The following EXD1 variants were observed in gnomAD, a reference collection of about 807,000 sequenced individuals.
The protein encoded by EXD1 is exonuclease 3'-5' domain containing 1.
Under a neutral mutation model 49.1 loss-of-function variants are expected in EXD1, and 63 were observed. The observed-to-expected ratio is 1.28, with a 90% CI of 1.05 to 1.58. The LOEUF is 1.58. Ranked by LOEUF, EXD1 falls within the 40% of genes most tolerant of loss-of-function variation. EXD1 has a pLI of 0.00. For missense variants in EXD1, 748 were observed against 666.0 expected, an observed-to-expected ratio of 1.12 and a Z score of -1.36; for synonymous variants, 234 against 239.2, an observed-to-expected ratio of 0.98 and a Z score of 0.20.
intron 1 of EXD1, among the ~76,000 whole-genome samples, chr15:41,227,333 T>C (rs1346116356): frequency 6.6e-6 from 1 of 152,232 alleles, no homozygotes; most frequent in Non-Finnish European, 1.5e-5. Context: ...TATTTTTTTA[T>C]TTTCTGTCCT....
intron 11 of EXD1, among the ~76,000 whole-genome samples, chr15:41,189,637 T>C (rs2046473258): frequency 6.6e-6 from 1 of 151,946 alleles, no homozygotes; most frequent in Admixed American, 6.6e-5. Flanking sequence ...CACTCCAGCC[T>C]GGGCGACAGA....
chr15:41,209,287 C>A (rs1394345294), intron 7 of EXD1, among the ~76,000 whole-genome samples: 2 of 151,950 alleles, frequency 1.3e-5, no homozygotes, highest in Non-Finnish European at 2.9e-5. Flanking sequence ...TGGTGACATG[C>A]ATCTGTAGTC....
At chr15:41,225,731 TA>T (rs2140909116) in intron 2 of EXD1, among the ~76,000 whole-genome samples, 1 of 151,346 alleles carries the variant, frequency 6.6e-6, no homozygotes, top group Admixed American at 6.6e-5. Flanking sequence ...GTACTAAAAA[TA>T]CAAAAATTAG....
At chr15:41,199,847 A>C (rs113604481) in intron 7 of EXD1, among the ~76,000 whole-genome samples, 1 of 144,034 alleles carries the variant, frequency 6.9e-6, no homozygotes, top group Non-Finnish European at 1.5e-5. Flanking sequence ...GATATATATA[A>C]TATGTCATAT....
intron 11 of EXD1, among the ~76,000 whole-genome samples, chr15:41,186,114 C>T (rs189667029): frequency 6.6e-6 from 1 of 152,214 alleles, no homozygotes; most frequent in African/African-American, 2.4e-5. Context: ...AACAAATATG[C>T]AGTCTTCTCT....
intron 6 of EXD1, among the ~76,000 whole-genome samples, chr15:41,211,590 A>G (rs1167513751): frequency 6.6e-6 from 1 of 152,070 alleles, no homozygotes; most frequent in African/African-American, 2.4e-5. Flanking sequence ...AAGGAGGCTG[A>G]GGAGGACAGA....
chr15:41,197,804 T>G (rs929835025), intron 7 of EXD1, among the ~76,000 whole-genome samples: 1 of 144,980 alleles, frequency 6.9e-6, no homozygotes, highest in Non-Finnish European at 1.6e-5. Context: ...TTTGTATATT[T>G]TAATAGAGAT....
chr15:41,191,389 T>A, intron 10 of EXD1, 53 bp downstream of exon 10: 4 of 1,537,944 alleles, frequency 2.6e-6, no homozygotes, highest in Non-Finnish European at 3.6e-6. Flanking sequence ...ATAATACTGC[T>A]CAGAAAACAC....
chr15:41,200,084 T>C (rs540078013), intron 7 of EXD1, among the ~76,000 whole-genome samples: 9 of 151,294 alleles, frequency 5.9e-5, no homozygotes, highest in Non-Finnish European at 8.8e-5. Flanking sequence ...TTTTGTATTT[T>C]GTTTAGAGAT....
Position 41,215,783 on chromosome 15 carries a change from C to T in EXD1, c.439G>A (p.Gly147Ser), listed in dbSNP as rs2046990947. 3 of 1,613,980 alleles carry T rather than the reference C, an allele frequency of 1.9e-6. No individual in the cohort carries two copies. Among genetic ancestry groups the T allele is most frequent in the Non-Finnish European group, 2.5e-6 (3 of 1,179,914 alleles). The change falls in exon 6 of 12, where the codon GGT (glycine) becomes AGT (serine). Residue 147 changes from glycine (G) to serine (S), a missense_variant. By Grantham distance (56) the Gly-to-Ser change is moderately conservative (BLOSUM62 0). Coordinates refer to ENST00000458580, the MANE Select transcript of EXD1 (RefSeq NM_001286441.2). Reference protein sequence around the residue: ...TVINQFQQKFGAAILHIKKQN... With the variant: ...TVINQFQQKFSAAILHIKKQN... ...TTGAGGACAATACTTACCGCAGCAC[C>T]AAACTTCTGCTGGAATTGATTAATG...
chr15:41,222,667 G>A (rs1201961076), intron 2 of EXD1, among the ~76,000 whole-genome samples: 15 of 144,564 alleles, frequency 1.0e-4, no homozygotes, highest in African/African-American at 3.1e-4. Flanking sequence ...TGCTGGACGC[G>A]GTGACTCACG....
intron 2 of EXD1, among the ~76,000 whole-genome samples, chr15:41,222,059 C>G (rs774511717): frequency 3.4e-4 from 52 of 151,724 alleles, no homozygotes; most frequent in Non-Finnish European, 6.0e-4. Context: ...AAGATCACGC[C>G]ACTACACTCC....
chr15:41,208,163 G>A (rs72737786), intron 7 of EXD1, among the ~76,000 whole-genome samples: 1 of 151,622 alleles, frequency 6.6e-6, no homozygotes, highest in Non-Finnish European at 1.5e-5. Context: ...ACTCTCTTTT[G>A]TTTTGGTAGA....
At chr15:41,191,677 C>G in intron 9 of EXD1, 92 bp from the exon 10 acceptor site, 1 of 1,270,794 alleles carries the variant, frequency 7.9e-7, no homozygotes, top group Non-Finnish European at 1.1e-6. Flanking sequence ...GTCTAAATAA[C>G]ATTTTCCCCA....
intron 7 of EXD1, among the ~76,000 whole-genome samples, chr15:41,202,651 G>A (rs1038837833): frequency 5.3e-5 from 8 of 152,010 alleles, no homozygotes; most frequent in Non-Finnish European, 7.4e-5. Context: ...GTTTTTTGTA[G>A]AGACGGGGTT....
chr15:41,230,362 C>A (rs994711777), intron 1 of EXD1, 117 bp downstream of exon 1: 25 of 1,065,810 alleles, frequency 2.3e-5, no homozygotes, highest in Non-Finnish European at 3.4e-5. Flanking sequence ...GGATTACAGG[C>A]GTGAGCCACC....
chr15:41,186,487 A>AAAAAAAAAAAAAAAAC (rs2046410244), intron 11 of EXD1, among the ~76,000 whole-genome samples: 1 of 151,164 alleles, frequency 6.6e-6, no homozygotes, highest in Non-Finnish European at 1.5e-5. Context: ...AAAAAAAAAA[A>AAAAAAAAAAAAAAAAC]AATCAGAAAA....
At chr15:41,201,174 A>G (rs1459351943) in intron 7 of EXD1, among the ~76,000 whole-genome samples, 1 of 152,022 alleles carries the variant, frequency 6.6e-6, no homozygotes, top group East Asian at 1.9e-4. Context: ...GTGCCTGGCC[A>G]GAATGTTCTG....
chr15:41,229,193 T>C (rs2047201094), intron 1 of EXD1, among the ~76,000 whole-genome samples: 1 of 152,124 alleles, frequency 6.6e-6, no homozygotes. Flanking sequence ...AAAATAACTC[T>C]AAGGCCGGGC....
Sources: gnomAD v4.1 joint callset for allele counts (sites outside exome capture counted in the v4.1 genomes callset) on GRCh38, gnomAD v4.1.1 for gene constraint, MANE v1.5 for transcripts, NCBI Gene and HGNC (gene_info 2026-07-23, HGNC 2026-07-21) for gene names.